The following CLASP2 variants were observed in gnomAD, a reference collection of about 807,000 sequenced individuals.
CLASP2 encodes cytoplasmic linker associated protein 2.
A neutral mutation model predicts 194.4 loss-of-function variants in CLASP2; 47 were observed. That is an observed-to-expected ratio of 0.24 (90% CI 0.19 to 0.31). The LOEUF (loss-of-function observed/expected upper bound fraction) is 0.31, where lower values mean the gene tolerates loss of function less well. Among genes scored for constraint, CLASP2 ranks in the 10% least tolerant of loss-of-function variants. The pLI is 1.00. For synonymous variants in CLASP2, 619 were observed against 633.5 expected, an observed-to-expected ratio of 0.98 and a Z score of 0.34; for missense variants, 1,445 against 1,823.6, an observed-to-expected ratio of 0.79 and a Z score of 3.78.
intron 18 of CLASP2, among the ~76,000 whole-genome samples, chr3:33,601,028 G>C (rs376316600): frequency 1.4e-5 from 2 of 142,704 alleles, no homozygotes; most frequent in African/African-American, 2.6e-5. Context: ...GCAAGATCTC[G>C]GCTCACTGCA....
Position 33,671,306 on chromosome 3 carries a change from T to C in CLASP2, c.645-7791A>G, listed in dbSNP as rs966848433. Among the ~76,000 whole-genome samples the C allele has an allele frequency of 4.6e-5, 7 of 152,278 alleles. No homozygotes were observed. The East Asian group carries it at 9.6e-4, about 21-fold the overall frequency. On this transcript the variant is annotated intron_variant, in intron 6 of 38. Coordinates refer to ENST00000682230, the MANE Select transcript of CLASP2 (RefSeq NM_001365631.1). ...AAGGCCTGTTTCAAGTAGTTCCTTT[T>C]ACCTGATACATCATGTCCAACTATT...
intron 21 of CLASP2, among the ~76,000 whole-genome samples, chr3:33,588,901 A>T (rs189969884): frequency 6.6e-6 from 1 of 152,260 alleles, no homozygotes; most frequent in Admixed American, 6.5e-5. Flanking sequence ...AAAAGCACAG[A>T]TGTCTTTAAC....
intron 7 of CLASP2, among the ~76,000 whole-genome samples, chr3:33,651,786 A>G (rs929048457): frequency 1.3e-5 from 2 of 151,508 alleles, no homozygotes; most frequent in Non-Finnish European, 2.9e-5. Flanking sequence ...CAGCCTCCTA[A>G]GTAGCTGGGA....
Position 33,687,123 on chromosome 3 carries a change from C to G in CLASP2, c.483G>C (p.Gln161His). The change falls in exon 5 of 39, where the codon CAG becomes CAC. Residue 161 changes from glutamine (Q) to histidine (H), a missense_variant. Transcript: ENST00000682230. ...GTATCAATTTGCTGATGACTAGTGG[C>G]TGAGCCCCAAAACTAAATATAATTT... ...LIETLNIFGAQPLVISKLIPH... is the reference protein window; with the variant it reads ...LIETLNIFGAHPLVISKLIPH... 6.3e-7 allele frequency: 1 copy of G among 1,595,358 alleles called. No homozygotes were observed. Among genetic ancestry groups the G allele is most frequent in the Non-Finnish European group, 8.5e-7 (1 of 1,170,000 alleles).
chr3:33,667,633 G>C (rs986371201), intron 6 of CLASP2, among the ~76,000 whole-genome samples: 1 of 151,958 alleles, frequency 6.6e-6, no homozygotes, highest in African/African-American at 2.4e-5. Context: ...CTTACATTTG[G>C]TTGTATGATC....
At chr3:33,518,177 A>T (rs2154103647) in intron 34 of CLASP2, among the ~76,000 whole-genome samples, 1 of 152,300 alleles carries the variant, frequency 6.6e-6, no homozygotes, top group Non-Finnish European at 1.5e-5. Flanking sequence ...TAGCATCAAG[A>T]ATTGGGCCCA....
intron 10 of CLASP2, 34 bp downstream of exon 10, chr3:33,626,954 A>G: frequency 1.6e-6 from 2 of 1,281,416 alleles, no homozygotes; most frequent in Non-Finnish European, 2.2e-6. Flanking sequence ...ATCAATAAAG[A>G]AAGAAGATAA....
chr3:33,619,526 G>T, intron 12 of CLASP2, 77 bp downstream of exon 12: 1 of 1,347,518 alleles, frequency 7.4e-7, no homozygotes, highest in Non-Finnish European at 9.9e-7. Flanking sequence ...GGTGGGGAAA[G>T]GAGAGAAAAA....
intron 6 of CLASP2, among the ~76,000 whole-genome samples, chr3:33,674,501 C>A (rs1362331258): frequency 3.8e-4 from 58 of 151,318 alleles, no homozygotes; most frequent in African/African-American, 1.3e-3. Context: ...CCAAAATTGA[C>A]ACCCTAACAT....
At chr3:33,643,675 A>G (rs925990412) in intron 8 of CLASP2, among the ~76,000 whole-genome samples, 5 of 151,968 alleles carry the variant, frequency 3.3e-5, no homozygotes, top group Admixed American at 1.3e-4. Context: ...ATTGCTAGTT[A>G]TATGACACAG....
rs189825663 is a variant in CLASP2 at position 33,496,507 on chromosome 3, T to A, written c.*2124A>T. On this transcript the variant is annotated 3_prime_UTR_variant, in exon 39 of 39. Coordinates refer to ENST00000682230, the MANE Select transcript of CLASP2 (RefSeq NM_001365631.1). ...TAAAATTGTAAACACAATTTTTCCATGTTTACATCTACTAGCTTTCATTTG... is the reference window on the plus strand; with the variant it reads ...TAAAATTGTAAACACAATTTTTCCAAGTTTACATCTACTAGCTTTCATTTG... 1 of 152,232 alleles carries A rather than the reference T, an allele frequency of 6.6e-6. No individual in the cohort carries two copies. The highest frequency in any genetic ancestry group is 1.5e-5 in the Non-Finnish European group (1 of 68,036). 9.4% of individuals were successfully genotyped at this position (152,232 alleles called of 1,614,324 possible). A position where few individuals can be genotyped will look rare whatever the true frequency, so the allele number is the denominator to read the frequency against.
chr3:33,643,396 C>CA (rs1440765720), intron 8 of CLASP2, among the ~76,000 whole-genome samples: 1 of 151,484 alleles, frequency 6.6e-6, no homozygotes, highest in African/African-American at 2.4e-5. Context: ...AGGAAGAAAC[C>CA]AAAAAATGTC....
intron 12 of CLASP2, among the ~76,000 whole-genome samples, chr3:33,617,520 T>C (rs1487573971): frequency 1.3e-5 from 2 of 152,148 alleles, no homozygotes; most frequent in Non-Finnish European, 2.9e-5. Flanking sequence ...AACTGTGAAA[T>C]TGGGAAAGTT....
Position 33,644,846 on chromosome 3 carries a change from G to A in CLASP2, c.773C>T (p.Ser258Leu), listed in dbSNP as rs2082007777. ...TTTAGGTGCAGGAACCTTGAAGGCTGATGCAGCTGATGATGGCCTATTTCC... is the reference window on the plus strand; with the variant it reads ...TTTAGGTGCAGGAACCTTGAAGGCTAATGCAGCTGATGATGGCCTATTTCC... Reference protein sequence around the residue: ...VDGNRPSSAASAFKVPAPKTS... With the variant: ...VDGNRPSSAALAFKVPAPKTS... The change falls in exon 8 of 39, where the codon TCA becomes TTA. Residue 258 changes from serine (S) to leucine (L), a missense_variant. Ser to Leu is a moderately radical substitution (Grantham distance 145). Around this residue, in one of 4 missense-constraint regions of CLASP2, gnomAD observed 332 missense variants for 325.3 expected, o/e 1.02. Transcript: ENST00000682230. The A allele has an allele frequency of 1.2e-6, 2 of 1,610,040 alleles. No homozygotes were observed. The highest frequency in any genetic ancestry group is 1.7e-6 in the Non-Finnish European group (2 of 1,178,026).
At chr3:33,640,509 G>A (rs1286875755) in intron 8 of CLASP2, among the ~76,000 whole-genome samples, 1 of 152,120 alleles carries the variant, frequency 6.6e-6, no homozygotes, top group East Asian at 1.9e-4. Flanking sequence ...ACAATACAGA[G>A]AAAATACACT....
At chr3:33,513,591 T>G (rs1271591201) in intron 36 of CLASP2, among the ~76,000 whole-genome samples, 11 of 152,162 alleles carry the variant, frequency 7.2e-5, no homozygotes, top group Non-Finnish European at 8.8e-5. Context: ...TATGATTCAC[T>G]CTTCTAAAAG....
chr3:33,637,100 G>C (rs2080295606), intron 8 of CLASP2, among the ~76,000 whole-genome samples: 1 of 152,106 alleles, frequency 6.6e-6, no homozygotes, highest in African/African-American at 2.4e-5. Context: ...GAAAATAAAA[G>C]AGCTACAGAA....
chr3:33,524,823 T>C (rs2054069096), intron 34 of CLASP2, among the ~76,000 whole-genome samples: 1 of 152,056 alleles, frequency 6.6e-6, no homozygotes, highest in Admixed American at 6.6e-5. Flanking sequence ...TCAAAATATA[T>C]GAAGCAAAAA....
At chr3:33,651,282 C>A (rs1376652786) in intron 7 of CLASP2, among the ~76,000 whole-genome samples, 1 of 150,100 alleles carries the variant, frequency 6.7e-6, no homozygotes, top group Non-Finnish European at 1.5e-5. Flanking sequence ...ACTTGAGAGG[C>A]TGAGGCAGGA....
Sources: allele counts gnomAD v4.1 joint callset (sites outside exome capture counted in the v4.1 genomes callset), GRCh38; gene constraint gnomAD v4.1.1; regional missense constraint gnomAD v4.1.1; transcripts MANE v1.5; gene names NCBI Gene and HGNC (gene_info 2026-07-23, HGNC 2026-07-21).